Variants in UACA observed in about 807,000 individuals in gnomAD.
UACA encodes nuclear membrane binding protein.
Under a neutral mutation model 160.5 loss-of-function variants are expected in UACA, and 112 were observed. The ratio of observed to expected loss-of-function variants is 0.70; its 90% CI spans 0.60 to 0.82. UACA has a LOEUF of 0.82. UACA is among the 40% of genes least tolerant of loss of function. The probability of loss-of-function intolerance (pLI) is 0.00; values close to 1 mark genes in which losing one functional copy is unlikely to be tolerated. For synonymous variants in UACA, 557 were observed against 568.4 expected, an observed-to-expected ratio of 0.98 and a Z score of 0.29; for missense variants, 1,574 against 1,614.6, an observed-to-expected ratio of 0.97 and a Z score of 0.43.
intron 1 of UACA, among the ~76,000 whole-genome samples, chr15:70,727,548 C>T (rs1377416182): frequency 6.6e-6 from 1 of 152,138 alleles, no homozygotes; most frequent in African/African-American, 2.4e-5. Context: ...GATACGTTTA[C>T]ATTAACAACC....
intron 18 of UACA, among the ~76,000 whole-genome samples, chr15:70,659,943 T>G (rs1896642936): frequency 6.6e-6 from 1 of 152,150 alleles, no homozygotes; most frequent in South Asian, 2.1e-4. Flanking sequence ...GAGACGACAC[T>G]AAATTTAAGA....
chr15:70,771,899 G>A, the UACA span, among the ~76,000 whole-genome samples: 5 of 152,338 alleles, frequency 3.3e-5, no homozygotes, highest in South Asian at 1.0e-3. Context: ...CTGGAGCATA[G>A]TGGGAGAAGA....
At chr15:70,772,492 CAAAAAAAAAAA>C in the UACA span, among the ~76,000 whole-genome samples, 4 of 49,520 alleles carry the variant, frequency 8.1e-5, no homozygotes, top group South Asian at 2.9e-3. Context: ...GCCTCCATCT[CAAAAAAAAAAA>C]AAAAAAAAAA....
chr15:70,690,536 A>G, intron 4 of UACA, 25 bp from the exon 5 acceptor site: 1 of 1,582,120 alleles, frequency 6.3e-7, no homozygotes, highest in East Asian at 2.3e-5. Flanking sequence ...AAAACTTAGT[A>G]AAGTAGGAGA....
At chr15:70,660,396 T>C (rs1896665456) in intron 17 of UACA, 180 bp from the exon 18 acceptor site, 1 of 531,722 alleles carries the variant, frequency 1.9e-6, no homozygotes, top group South Asian at 2.9e-5. Flanking sequence ...AATATAAACT[T>C]CTGTAAAGAA....
intron 5 of UACA, 93 bp from the exon 6 acceptor site, chr15:70,687,913 A>G (rs1213543171): frequency 2.5e-6 from 3 of 1,212,836 alleles, no homozygotes; most frequent in African/African-American, 3.1e-5. Context: ...AAGTTTTTCA[A>G]TTTCTAAATT....
At chr15:70,712,064 A>ATATATATATATC (rs909386790) in intron 1 of UACA, among the ~76,000 whole-genome samples, 7 of 145,478 alleles carry the variant, frequency 4.8e-5, no homozygotes, top group African/African-American at 2.0e-4. Context: ...ATATATATAT[A>ATATATATATATC]TATCTCCATA....
At chr15:70,774,866 C>A in the UACA span, among the ~76,000 whole-genome samples, 2 of 151,838 alleles carry the variant, frequency 1.3e-5, no homozygotes, top group Non-Finnish European at 2.9e-5. Flanking sequence ...CCAACCTGGG[C>A]AACATAGTGA....
the UACA span, among the ~76,000 whole-genome samples, chr15:70,772,559 A>G: frequency 6.6e-6 from 1 of 151,102 alleles, no homozygotes; most frequent in African/African-American, 2.4e-5. Context: ...GGGGATGACT[A>G]TGGGAGCTAT....
chr15:70,678,222 C>A lies in UACA; in HGVS notation c.892-16G>T. 1 of 1,579,828 alleles carries A rather than the reference C, an allele frequency of 6.3e-7. No homozygotes were observed. Among genetic ancestry groups the A allele is most frequent in the Non-Finnish European group, 8.6e-7 (1 of 1,161,910 alleles). ...TCTCCAAATCCTTAAATAATAAAGA[C>A]AACAAGGTGCCAGGCCAATCTTAAA... is the stretch of plus-strand genomic sequence containing the variant. On this transcript the variant is annotated splice_polypyrimidine_tract_variant and intron_variant, in intron 10 of 18. Transcript: ENST00000322954.
At chr15:70,775,818 T>C in the UACA span, among the ~76,000 whole-genome samples, 7 of 152,206 alleles carry the variant, frequency 4.6e-5, no homozygotes, top group East Asian at 1.3e-3. Flanking sequence ...GAGAAGTTGG[T>C]ATTGATTTAT....
Position 70,678,125 on chromosome 15 carries a change from T to G in UACA, c.973A>C (p.Asn325His). The change falls in exon 11 of 19, where the codon AAT becomes CAT. Residue 325 changes from asparagine to histidine, a missense_variant. Asn to His is a moderately conservative substitution (Grantham distance 68, BLOSUM62 1). Transcript: ENST00000322954. ...TCATTCAGCTGTAACTGTAAACCAT[T>G]GACTTTATCCAAAAGTATTCTTTGT... Reference protein sequence around the residue: ...QEQRILLDKVNGLQLQLNEEV... With the variant: ...QEQRILLDKVHGLQLQLNEEV... 1 of 1,607,512 alleles carries G rather than the reference T, an allele frequency of 6.2e-7. No homozygotes were observed.
chr15:70,700,318 T>TATATATATATATATATATACACACACAC (rs565377949), intron 1 of UACA, among the ~76,000 whole-genome samples: 70 of 139,782 alleles, frequency 5.0e-4, no homozygotes, highest in African/African-American at 1.9e-3. Context: ...TATATATATA[T>TATATATATATATATATATACACACACAC]ACACACACAC....
intron 1 of UACA, among the ~76,000 whole-genome samples, chr15:70,708,906 T>C (rs1187551649): frequency 1.3e-5 from 2 of 152,252 alleles, no homozygotes; most frequent in Non-Finnish European, 2.9e-5. Context: ...GAGTTCATTA[T>C]AGTAAACTAT....
Position 70,678,099 on chromosome 15 carries a change from C to T in UACA, c.999G>A (p.Glu333=). The part of the protein sequence containing the change: ...KVNGLQLQLN[E]EVMVADDLES... Reference sequence around the variant, plus strand: ...TTTTCTATTATGCAGATTTATTTACCTCATTCAGCTGTAACTGTAAACCAT... The same window carrying T: ...TTTTCTATTATGCAGATTTATTTACTTCATTCAGCTGTAACTGTAAACCAT... Residue 333 remains glutamate, a splice_region_variant and synonymous_variant, in exon 11 of 19, where the codon GAG becomes GAA. Transcript: ENST00000322954. The T allele has an allele frequency of 1.3e-6, 2 of 1,575,928 alleles. No homozygotes were observed. The highest frequency in any genetic ancestry group is 1.7e-6 in the Non-Finnish European group (2 of 1,162,278).
rs1897928139 is a variant in UACA, at chr15:70,691,346, G to A, written c.319C>T (p.Leu107=). 5.6e-6 allele frequency: 9 copies of A among 1,608,530 alleles called. No individual in the cohort carries two copies. The East Asian group carries it at 1.6e-4, about 28-fold the overall frequency. ...SDTAGRNALH[L]AAKYGHALCL... ...AATGCATGTCCATACTTAGCAGCCAGGTGAAGAGCATTTCTCCCTATAAAT... is the reference window on the plus strand; with the variant it reads ...AATGCATGTCCATACTTAGCAGCCAAGTGAAGAGCATTTCTCCCTATAAAT... The change falls in exon 4 of 19, where the codon CTG becomes TTG. Residue 107 remains leucine (L), a synonymous_variant. Coordinates refer to ENST00000322954, the MANE Select transcript of UACA (RefSeq NM_018003.4).
chr15:70,683,984 A>G (rs1449540769), intron 8 of UACA, among the ~76,000 whole-genome samples: 1 of 152,062 alleles, frequency 6.6e-6, no homozygotes. Flanking sequence ...AAAAAAAAAA[A>G]AACTTAGTAA....
chr15:70,703,855 C>T (rs1464525592), intron 1 of UACA, among the ~76,000 whole-genome samples: 1 of 152,048 alleles, frequency 6.6e-6, no homozygotes, highest in African/African-American at 2.4e-5. Flanking sequence ...CTTTGCTGTC[C>T]CCTGTACCTA....
At chr15:70,744,491 C>G (rs1247807481) in intron 1 of UACA, among the ~76,000 whole-genome samples, 1 of 151,998 alleles carries the variant, frequency 6.6e-6, no homozygotes, top group East Asian at 1.9e-4. Context: ...AACTTATTAG[C>G]CTTCAGAAAC....
Sources: allele counts gnomAD v4.1 joint callset (sites outside exome capture counted in the v4.1 genomes callset), GRCh38; gene constraint gnomAD v4.1.1; transcripts MANE v1.5; gene names NCBI Gene and HGNC (gene_info 2026-07-23, HGNC 2026-07-21).